The following ENTREP2 variants were observed in gnomAD, a reference collection of about 807,000 sequenced individuals.
ENTREP2 encodes the protein protein ENTREP2.
the ENTREP2 span, among the ~76,000 whole-genome samples, chr15:29,656,248 C>CA: frequency 4.0e-5 from 6 of 148,960 alleles, no homozygotes; most frequent in Non-Finnish European, 8.9e-5. Context: ...TTTTTTGAGA[C>CA]AGAGTCTCAC....
chr15:29,608,410 A>G, the ENTREP2 span, among the ~76,000 whole-genome samples: 1 of 151,786 alleles, frequency 6.6e-6, no homozygotes, highest in Non-Finnish European at 1.5e-5. Flanking sequence ...GTCTTGCTCA[A>G]TTTTGATTCC....
the ENTREP2 span, among the ~76,000 whole-genome samples, chr15:29,503,805 C>T: frequency 6.6e-6 from 1 of 152,124 alleles, no homozygotes; most frequent in African/African-American, 2.4e-5. Flanking sequence ...TTATTTTTCT[C>T]AACTGTGTGG....
chr15:29,517,628 A>G, the ENTREP2 span, among the ~76,000 whole-genome samples: 1 of 152,116 alleles, frequency 6.6e-6, no homozygotes, highest in Admixed American at 6.5e-5. Context: ...CAAACTTACC[A>G]TTTATCCTGA....
the ENTREP2 span, among the ~76,000 whole-genome samples, chr15:29,434,783 C>G: frequency 6.6e-6 from 1 of 152,036 alleles, no homozygotes; most frequent in Non-Finnish European, 1.5e-5. Flanking sequence ...TGGAGTCTCA[C>G]GAAGCTTGAG....
At chr15:29,380,151 G>A in the ENTREP2 span, among the ~76,000 whole-genome samples, 4 of 152,138 alleles carry the variant, frequency 2.6e-5, no homozygotes, top group Non-Finnish European at 5.9e-5. Flanking sequence ...GTACACAGGG[G>A]TTCATGACAG....
At chr15:29,357,374 C>G in the ENTREP2 span, among the ~76,000 whole-genome samples, 1 of 151,984 alleles carries the variant, frequency 6.6e-6, no homozygotes, top group South Asian at 2.1e-4. Context: ...AGAAAAATGA[C>G]ATGGTAAGTC....
the ENTREP2 span, among the ~76,000 whole-genome samples, chr15:29,243,095 C>T: frequency 6.6e-6 from 1 of 152,172 alleles, no homozygotes; most frequent in Non-Finnish European, 1.5e-5. Flanking sequence ...GTGGGAAGCA[C>T]GTGGCTGAGT....
chr15:29,148,449 A>C, the ENTREP2 span, among the ~76,000 whole-genome samples: 1 of 152,344 alleles, frequency 6.6e-6, no homozygotes, highest in South Asian at 2.1e-4. Flanking sequence ...GAAGTCTTTT[A>C]CATAAAATAA....
the ENTREP2 span, among the ~76,000 whole-genome samples, chr15:29,159,065 T>C: frequency 2.6e-5 from 4 of 152,214 alleles, no homozygotes; most frequent in South Asian, 2.1e-4. Context: ...TATCTGGAAT[T>C]GGTGGGTTAT....
At chr15:29,196,044 A>G in the ENTREP2 span, among the ~76,000 whole-genome samples, 8 of 152,078 alleles carry the variant, frequency 5.3e-5, no homozygotes, top group Non-Finnish European at 1.2e-4. Context: ...AGACTGTCTG[A>G]TTTTTTTCCT....
At chr15:29,531,230 G>A in the ENTREP2 span, among the ~76,000 whole-genome samples, 43 of 152,302 alleles carry the variant, frequency 2.8e-4, no homozygotes, top group South Asian at 1.7e-3. Context: ...GGTAGGGGAC[G>A]GGAAGCCAGC....
At chr15:29,473,612 AAAAG>A in the ENTREP2 span, among the ~76,000 whole-genome samples, 2 of 152,210 alleles carry the variant, frequency 1.3e-5, no homozygotes, top group Non-Finnish European at 1.5e-5. Context: ...CCTCTGAACA[AAAAG>A]ATAGACTTCA....
At chr15:29,160,420 C>A in the ENTREP2 span, among the ~76,000 whole-genome samples, 3 of 152,162 alleles carry the variant, frequency 2.0e-5, no homozygotes, top group South Asian at 4.2e-4. Context: ...GCGAGGACTG[C>A]CAGCACGCTG....
At chr15:29,140,465 G>A in the ENTREP2 span, among the ~76,000 whole-genome samples, 1 of 152,158 alleles carries the variant, frequency 6.6e-6, no homozygotes, top group Non-Finnish European at 1.5e-5. Context: ...ATCTGATGAG[G>A]TCACTGCAGT....
At chr15:29,134,188 A>G in the ENTREP2 span, among the ~76,000 whole-genome samples, 20 of 152,238 alleles carry the variant, frequency 1.3e-4, no homozygotes, top group Admixed American at 1.3e-3. Context: ...ATAAATGGAA[A>G]ACTAAACAAC....
the ENTREP2 span, among the ~76,000 whole-genome samples, chr15:29,135,941 G>A: frequency 6.6e-6 from 1 of 152,094 alleles, no homozygotes; most frequent in Admixed American, 6.5e-5. The surrounding 1 kb of genome is among the most constrained non-coding windows in gnomAD (Gnocchi z 7.4). Flanking sequence ...TGCTCCTGGG[G>A]GCTCTCCCCT....
chr15:29,134,790 C>T, the ENTREP2 span, among the ~76,000 whole-genome samples: 1 of 152,180 alleles, frequency 6.6e-6, no homozygotes, highest in Non-Finnish European at 1.5e-5. Context: ...GGACAGGGAC[C>T]AGCATTGCCA....
At chr15:29,620,962 C>T in the ENTREP2 span, among the ~76,000 whole-genome samples, 16 of 152,236 alleles carry the variant, frequency 1.1e-4, no homozygotes, top group African/African-American at 1.7e-4. Context: ...CAGACAGTAT[C>T]GATTATCCCA....
At chr15:29,624,139 T>C in the ENTREP2 span, among the ~76,000 whole-genome samples, 1 of 152,250 alleles carries the variant, frequency 6.6e-6, no homozygotes, top group African/African-American at 2.4e-5. Context: ...ACTTGGTTTA[T>C]CCACGTTTTC....
Sources: allele counts gnomAD v4.1 joint callset (sites outside exome capture counted in the v4.1 genomes callset), GRCh38; gene constraint gnomAD v4.1.1; non-coding constraint Gnocchi (gnomAD v3.1); transcripts MANE v1.5; gene names NCBI Gene and HGNC (gene_info 2026-07-23, HGNC 2026-07-21).